JMJD1C: variants seen among roughly 807,000 people sequenced by gnomAD.
JMJD1C encodes the protein jumonji domain containing 1C, also known as jumonji domain-containing protein 1C.
In JMJD1C, 31 loss-of-function variants were observed where a neutral mutation model predicts 245.3. The ratio of observed to expected loss-of-function variants is 0.13; its 90% CI spans 0.09 to 0.17. The LOEUF (loss-of-function observed/expected upper bound fraction) is 0.17. Ranked by LOEUF, JMJD1C falls within the 10% of genes least tolerant of loss-of-function variation. The pLI is 1.00. For synonymous variants in JMJD1C, 1,057 were observed against 1,017.4 expected (o/e 1.04, Z -0.74); for missense variants, 2,691 against 3,000.2 (o/e 0.90, Z 2.41).
At chr10:63,458,946 T>C (rs2133074270) in intron 1 of JMJD1C, among the ~76,000 whole-genome samples, 1 of 152,288 alleles carries the variant, frequency 6.6e-6, no homozygotes, top group East Asian at 1.9e-4. Flanking sequence ...GGTCTTGAAC[T>C]CCTGAGCTCA....
intron 1 of JMJD1C, among the ~76,000 whole-genome samples, chr10:63,493,245 A>ATTTTT (rs1222011265): frequency 5.1e-5 from 2 of 39,310 alleles, no homozygotes; most frequent in African/African-American, 9.4e-5. Flanking sequence ...CAAAACTGTT[A>ATTTTT]TTTCTTTTTT....
chr10:63,424,513 T>TC (rs1279219493), intron 1 of JMJD1C, among the ~76,000 whole-genome samples: 2 of 145,566 alleles, frequency 1.4e-5, no homozygotes, highest in Non-Finnish European at 3.0e-5. Context: ...TTTTTTTTTT[T>TC]TTTTTCTTTT....
chr10:63,304,642 G>T (rs1937756956), intron 2 of JMJD1C, among the ~76,000 whole-genome samples: 1 of 152,156 alleles, frequency 6.6e-6, no homozygotes, highest in African/African-American at 2.4e-5. Flanking sequence ...TAATAATTAT[G>T]ACAATAGTCT....
chr10:63,321,839 CCTCT>C (rs543761477), intron 2 of JMJD1C, among the ~76,000 whole-genome samples: 2 of 152,110 alleles, frequency 1.3e-5, no homozygotes, highest in East Asian at 3.8e-4. Flanking sequence ...AAGAGGATGC[CCTCT>C]CTCTTGACCT....
At chr10:63,370,852 C>T (rs1314165809) in intron 2 of JMJD1C, among the ~76,000 whole-genome samples, 3 of 152,124 alleles carry the variant, frequency 2.0e-5, no homozygotes, top group South Asian at 4.1e-4. Context: ...ATATAAAATA[C>T]TGAATAACAT....
intron 8 of JMJD1C, among the ~76,000 whole-genome samples, chr10:63,212,345 G>A (rs921986074): frequency 6.6e-6 from 1 of 152,150 alleles, no homozygotes; most frequent in Non-Finnish European, 1.5e-5. Flanking sequence ...ACAAAAACAA[G>A]GTGTTAAAAA....
chr10:63,512,637 T>G (rs566578464), intron 1 of JMJD1C, among the ~76,000 whole-genome samples: 1 of 152,348 alleles, frequency 6.6e-6, no homozygotes, highest in Non-Finnish European at 1.5e-5. Flanking sequence ...ACCTTTGATT[T>G]TCTGAAGTTT....
intron 3 of JMJD1C, among the ~76,000 whole-genome samples, chr10:63,244,974 T>C (rs2133553981): frequency 6.6e-6 from 1 of 151,648 alleles, no homozygotes; most frequent in Non-Finnish European, 1.5e-5. Context: ...CCACTTCTAC[T>C]AAAAATACAA....
At chr10:63,305,205 A>T (rs1423514995) in intron 2 of JMJD1C, among the ~76,000 whole-genome samples, 1 of 151,866 alleles carries the variant, frequency 6.6e-6, no homozygotes, top group Non-Finnish European at 1.5e-5. Context: ...CGTCTCTACT[A>T]AAAATAAAAC....
intron 2 of JMJD1C, chr10:63,269,160 C>T (rs559641469): frequency 3.0e-6 from 3 of 985,360 alleles, no homozygotes; most frequent in Non-Finnish European, 3.6e-6. Context: ...TCCCACTGTA[C>T]TCTGTCTGCG....
intron 1 of JMJD1C, among the ~76,000 whole-genome samples, chr10:63,495,754 CAAA>C (rs34098324): frequency 2.2e-5 from 3 of 135,734 alleles, no homozygotes; most frequent in African/African-American, 2.9e-5. Context: ...ACTCCTAACT[CAAA>C]AAAAAAAAAA....
intron 2 of JMJD1C, among the ~76,000 whole-genome samples, chr10:63,287,756 C>CT (rs376923782): frequency 0.012 from 1,822 of 148,564 alleles, 35 homozygotes; most frequent in African/African-American, 0.04. Flanking sequence ...TTTTCTTTTT[C>CT]TTTTTTTTTT....
At chr10:63,209,425 T>C (rs1847058225) in intron 8 of JMJD1C, among the ~76,000 whole-genome samples, 190 bp from the exon 9 acceptor site, 1 of 152,078 alleles carries the variant, frequency 6.6e-6, no homozygotes, top group Admixed American at 6.6e-5. Flanking sequence ...AATAACATAA[T>C]TAAACAGATT....
At chr10:63,501,423 C>A (rs909406112) in intron 1 of JMJD1C, among the ~76,000 whole-genome samples, 1 of 150,332 alleles carries the variant, frequency 6.7e-6, no homozygotes, top group Non-Finnish European at 1.5e-5. Flanking sequence ...GCCCTTTCCC[C>A]CATACTTTTC....
At chr10:63,246,950 G>C (rs1341808071) in intron 3 of JMJD1C, among the ~76,000 whole-genome samples, 1 of 150,512 alleles carries the variant, frequency 6.6e-6, no homozygotes, top group African/African-American at 2.4e-5. Context: ...ATACTAAGAG[G>C]AAAGTTTACA....
rs71025139 is a variant in JMJD1C at position 63,257,226 on chromosome 10, C to CAA, written c.447+7423_447+7424dup. On this transcript the variant is annotated intron_variant, in intron 3 of 25. Coordinates refer to ENST00000399262, the MANE Select transcript of JMJD1C (RefSeq NM_032776.3). Reference sequence around the variant, plus strand: ...TGGGTGACAGAGTGAGACTTCATCTCAAAAAAAAAAAAAAAAAAGAAAGAA... The same window carrying CAA: ...TGGGTGACAGAGTGAGACTTCATCTCAAAAAAAAAAAAAAAAAAAAGAAAGAA... Among the ~76,000 whole-genome samples, 314 of 92,608 alleles carry CAA rather than the reference C, an allele frequency of 3.4e-3. 3 individuals are homozygous for CAA. Among genetic ancestry groups the CAA allele is most frequent in the Non-Finnish European group, 5.1e-3 (238 of 46,294 alleles). 60.8% of individuals were successfully genotyped at this position (92,608 alleles called of 152,430 possible). A position where few individuals can be genotyped will look rare whatever the true frequency, so the allele number is the denominator to read the frequency against.
intron 1 of JMJD1C, among the ~76,000 whole-genome samples, chr10:63,453,197 C>T (rs1008944083): frequency 6.6e-6 from 1 of 152,158 alleles, no homozygotes; most frequent in African/African-American, 2.4e-5. Flanking sequence ...ATCGCTTGAA[C>T]CCAGGAGGCG....
chr10:63,309,350 C>T (rs540330067), intron 2 of JMJD1C, among the ~76,000 whole-genome samples: 6 of 150,918 alleles, frequency 4.0e-5, no homozygotes, highest in Non-Finnish European at 8.9e-5. Flanking sequence ...AAAAATTAAC[C>T]AGGCGTGGTG....
At chr10:63,404,649 G>A (rs546170375) in intron 1 of JMJD1C, among the ~76,000 whole-genome samples, 12 of 152,202 alleles carry the variant, frequency 7.9e-5, no homozygotes, top group African/African-American at 2.6e-4. Context: ...ATAGTAACAC[G>A]TCTGTATAAT....
Sources: gnomAD v4.1 joint callset for allele counts (sites outside exome capture counted in the v4.1 genomes callset) on GRCh38, gnomAD v4.1.1 for gene constraint, MANE v1.5 for transcripts, NCBI Gene and HGNC (gene_info 2026-07-23, HGNC 2026-07-21) for gene names.